Variants in MYO7B observed in about 807,000 individuals in gnomAD.
The protein encoded by MYO7B is myosin VIIB, also known as unconventional myosin-VIIb.
A neutral mutation model predicts 259.7 loss-of-function variants in MYO7B; 212 were observed. The ratio of observed to expected loss-of-function variants is 0.82; its 90% CI spans 0.73 to 0.91. The LOEUF (loss-of-function observed/expected upper bound fraction) is 0.91, where lower values mean the gene tolerates loss of function less well. MYO7B is among the 40% of genes least tolerant of loss of function. The pLI, the probability that MYO7B is intolerant of heterozygous loss-of-function variation, is 0.00. For synonymous variants in MYO7B, 1,197 were observed against 1,166.4 expected (o/e 1.03, Z -0.54); for missense variants, 2,732 against 2,813.5 (o/e 0.97, Z 0.66).
chr2:127,597,611 ATATTTATTTATTTATT>A lies in MYO7B; in HGVS notation c.2339+1081_2339+1096del, dbSNP rs36105119. Among the ~76,000 whole-genome samples, 96 of 145,890 alleles carry A rather than the reference ATATTTATTTATTTATT, an allele frequency of 6.6e-4. No homozygotes were observed. In the South Asian group the frequency reaches 0.011, roughly 16 times the overall value. ...TTCATCCAGGTTATTGCTTGCATTA[ATATTTATTTATTTATT>A]TATTTATTTATTTATTTATTTATTT... On this transcript the variant is annotated intron_variant, in intron 19 of 47. Coordinates refer to ENST00000409816, the MANE Select transcript of MYO7B (RefSeq NM_001393586.1). This position sits in a 1 kb window ranked among gnomAD's most constrained non-coding sequence, Gnocchi z 4.8.
intron 41 of MYO7B, 139 bp downstream of exon 41, chr2:127,634,428 T>A: frequency 1.1e-6 from 1 of 882,652 alleles, no homozygotes; most frequent in Non-Finnish European, 1.8e-6. Flanking sequence ...GGGACAGAGG[T>A]AGGTGGGGTC....
In MYO7B at chr2:127,586,265, AGAAGT is replaced by A. The variant is rs1415506623; in HGVS notation, c.1690+1357_1690+1361del. ...GAGGATCGGTAATGGTTTTGACTGA[AGAAGT>A]GAAGGCCTGGGGTGGTCACCCTATG... is the stretch of plus-strand genomic sequence containing the variant. On this transcript the variant is annotated intron_variant, in intron 14 of 47. Transcript: ENST00000409816. This position sits in a 1 kb window ranked among gnomAD's most constrained non-coding sequence, Gnocchi z 4.8. Among the ~76,000 whole-genome samples the A allele has an allele frequency of 6.6e-6, 1 of 152,146 alleles. No homozygotes were observed. Among genetic ancestry groups the A allele is most frequent in the Admixed American group, 6.5e-5 (1 of 15,270 alleles).
chr2:127,558,777 G>A (rs1677935847), intron 1 of MYO7B, among the ~76,000 whole-genome samples: 1 of 152,168 alleles, frequency 6.6e-6, no homozygotes, highest in African/African-American at 2.4e-5. Flanking sequence ...TATTCTAAGT[G>A]AAGTAACTCG....
At chr2:127,596,383 G>A (rs924530133) in intron 18 of MYO7B, 79 bp from the exon 19 acceptor site, 45 of 1,177,966 alleles carry the variant, frequency 3.8e-5, no homozygotes, top group Non-Finnish European at 5.0e-5. Flanking sequence ...TGCTACCTTC[G>A]GGAGACAGAG....
chr2:127,617,857 T>TTTC (rs1182387665), intron 26 of MYO7B, among the ~76,000 whole-genome samples: 1 of 149,172 alleles, frequency 6.7e-6, no homozygotes, highest in East Asian at 1.9e-4. Flanking sequence ...GGGCTTTAGT[T>TTTC]TTTTTTTTTT....
At position 127,632,206 on chromosome 2, in the gene MYO7B, CCT is replaced by C. The variant is rs1491271116; in HGVS notation, c.5250-39_5250-38del. The C allele has an allele frequency of 2.5e-5, 40 of 1,593,456 alleles. No homozygotes were observed. The African/African-American group carries it at 4.8e-4, about 19-fold the overall frequency. On this transcript the variant is annotated intron_variant, in intron 38 of 47. Transcript: ENST00000409816. ...CAAGGTGCCTGCCTGGCCAGGGCCC[CCT>C]GAGGGGCCTTTCCCGGCTGACAAGT...
chr2:127,621,259 T>TTTTTG (rs1680825010), intron 27 of MYO7B, among the ~76,000 whole-genome samples: 2 of 151,034 alleles, frequency 1.3e-5, no homozygotes, highest in Non-Finnish European at 1.5e-5. Flanking sequence ...TGCAATTTTT[T>TTTTTG]TTTTTGTTTT....
intron 29 of MYO7B, 129 bp from the exon 30 acceptor site, chr2:127,623,964 C>A (rs948528830): frequency 2.5e-6 from 2 of 791,260 alleles, no homozygotes; most frequent in Non-Finnish European, 3.9e-6. Context: ...TCAGCAGTGT[C>A]CACTCAGCCC....
Position 127,608,182 on chromosome 2 carries a change from G to T in MYO7B, c.2644-526G>T, listed in dbSNP as rs112645333. ...CTTCTGCTCCATGGATGAAAACTTGGTCTACTAAGCACACTGCTAATACAG... is the reference window on the plus strand; with the variant it reads ...CTTCTGCTCCATGGATGAAAACTTGTTCTACTAAGCACACTGCTAATACAG... On this transcript the variant is annotated intron_variant, in intron 21 of 47. Transcript: ENST00000409816. 2.5e-3 allele frequency among the ~76,000 whole-genome samples: 378 copies of T among 152,324 alleles called. 1 individual carries two copies. The highest frequency in any genetic ancestry group is 8.4e-3 in the African/African-American group (351 of 41,554).
chr2:127,580,607 C>T (rs1679059284), intron 9 of MYO7B, 139 bp from the exon 10 acceptor site: 1 of 777,680 alleles, frequency 1.3e-6, no homozygotes, highest in African/African-American at 1.7e-5. Flanking sequence ...AGAGAGGACA[C>T]TGGGAGAGAC....
chr2:127,621,931 C>T (rs1680855922), intron 27 of MYO7B, 51 bp from the exon 28 acceptor site: 3 of 1,551,406 alleles, frequency 1.9e-6, no homozygotes, highest in Non-Finnish European at 2.6e-6. Context: ...TGAGTAGAAA[C>T]TGGCCTCCTT....
In MYO7B at chr2:127,627,499, C is replaced by A; in HGVS notation, c.4460+189C>A. ...CACCCTCCTGCACCAGGCCGTACTG[C>A]CCATGAAGTACTCCATTGGGGCATC... On this transcript the variant is annotated intron_variant, in intron 33 of 47. Coordinates refer to ENST00000409816, the MANE Select transcript of MYO7B (RefSeq NM_001393586.1). The surrounding 1 kb of genome is among the most constrained non-coding windows in gnomAD (Gnocchi z 5.6). 1.2e-6 allele frequency: 1 copy of A among 807,524 alleles called. No homozygotes were observed. Among genetic ancestry groups the A allele is most frequent in the Non-Finnish European group, 2.1e-6 (1 of 486,068 alleles). 50.0% of individuals were successfully genotyped at this position (807,524 alleles called of 1,614,324 possible).
intron 47 of MYO7B, 133 bp downstream of exon 47, chr2:127,637,046 C>A: frequency 6.9e-7 from 1 of 1,441,930 alleles, no homozygotes; most frequent in Non-Finnish European, 9.4e-7. Flanking sequence ...GCCAGCAGAT[C>A]TGGAGAGGGC....
chr2:127,565,376 C>A lies in MYO7B; in HGVS notation c.276C>A (p.His92Gln). The A allele has an allele frequency of 6.2e-7, 1 of 1,614,044 alleles. No individual in the cohort carries two copies. Among genetic ancestry groups the A allele is most frequent in the Non-Finnish European group, 8.5e-7 (1 of 1,179,892 alleles). ...ACCTCCTGATCCGCTACCAGCAGCA[C>A]AAGATCTATGTGAGTCTCCCCAGCC... Reference protein sequence around the residue: ...VHNLLIRYQQHKIYTYTGSIL... With the variant: ...VHNLLIRYQQQKIYTYTGSIL... Residue 92 changes from histidine to glutamine, a missense_variant, in exon 4 of 48, where the codon CAC becomes CAA. His to Gln is a conservative substitution (Grantham distance 24, BLOSUM62 0). This residue lies in a region of MYO7B where 1,906 missense variants were observed against 2,026.4 expected (regional missense o/e 0.94). Coordinates refer to ENST00000409816, the MANE Select transcript of MYO7B (RefSeq NM_001393586.1).
chr2:127,623,373 A>G lies in MYO7B; in HGVS notation c.3817A>G (p.Lys1273Glu). The change falls in exon 29 of 48, where the codon AAG (lysine) becomes GAG (glutamate). Residue 1273 changes from lysine to glutamate, a missense_variant and splice_region_variant. Physicochemically the swap from Lys to Glu is moderately conservative, Grantham distance 56. Around this residue, in one of 3 missense-constraint regions of MYO7B, gnomAD observed 1,906 missense variants for 2,026.4 expected, o/e 0.94. Transcript: ENST00000409816. ...GFSLQVAVYD[K>E]FWSLGSGRDH... ...CTCCCTCCAGGTCGCCGTGTACGAC[A>G]AGGTACCAGCCAGGCACCCTGCCCG... 1 of 1,582,356 alleles carries G rather than the reference A, an allele frequency of 6.3e-7. No homozygotes were observed. Among genetic ancestry groups the G allele is most frequent in the South Asian group, 1.2e-5 (1 of 86,198 alleles).
chr2:127,572,199 G>T (rs759022232), intron 6 of MYO7B, among the ~76,000 whole-genome samples: 1 of 152,112 alleles, frequency 6.6e-6, no homozygotes, highest in African/African-American at 2.4e-5. Context: ...CAGTCAGATC[G>T]CTTGAGGTCA....
chr2:127,553,313 G>A (rs1367864294), intron 1 of MYO7B, among the ~76,000 whole-genome samples: 4 of 152,172 alleles, frequency 2.6e-5, no homozygotes, highest in Non-Finnish European at 5.9e-5. Context: ...GTGGTATTTT[G>A]ATGGGAATTG....
At chr2:127,587,480 C>G (rs1356034660) in intron 14 of MYO7B, among the ~76,000 whole-genome samples, 1 of 152,094 alleles carries the variant, frequency 6.6e-6, no homozygotes, top group Non-Finnish European at 1.5e-5. Flanking sequence ...CCTTTGTATG[C>G]AGATGGCCGT....
chr2:127,561,287 CAG>C (rs368818544), intron 2 of MYO7B, among the ~76,000 whole-genome samples: 338 of 151,080 alleles, frequency 2.2e-3, no homozygotes, highest in African/African-American at 7.5e-3. Context: ...TTTTTTTAGA[CAG>C]AGTCTTACTC....
Sources: gnomAD v4.1 joint callset for allele counts (sites outside exome capture counted in the v4.1 genomes callset) on GRCh38, gnomAD v4.1.1 for gene constraint, gnomAD v4.1.1 regional missense constraint, Gnocchi (gnomAD v3.1) non-coding constraint, MANE v1.5 for transcripts, NCBI Gene and HGNC (gene_info 2026-07-23, HGNC 2026-07-21) for gene names.